Variants in FRMPD4 observed in about 807,000 individuals in gnomAD.
FRMPD4 encodes FERM and PDZ domain-containing protein 4.
FRMPD4 carries 22 observed loss-of-function variants against 94.1 expected under a neutral mutation model. The observed-to-expected ratio is 0.23, with a 90% CI of 0.17 to 0.33. The LOEUF is 0.33. FRMPD4 is among the 10% of genes least tolerant of loss of function. The pLI is 1.00. For synonymous variants in FRMPD4, 631 were observed against 548.6 expected (o/e 1.15, Z -2.10); for missense variants, 1,111 against 1,339.9 (o/e 0.83, Z 2.67).
At chrX:12,448,472 A>G (rs1457437565) in intron 1 of FRMPD4, among the ~76,000 whole-genome samples, 1 of 112,379 alleles carries the variant, frequency 8.9e-6, no homozygotes, top group African/African-American at 3.2e-5. Flanking sequence ...AATGTAGACT[A>G]GGCAAATTCA....
chrX:12,043,833 C>T (rs1282455222), intron 3 of FRMPD4, among the ~76,000 whole-genome samples: 1 of 111,244 alleles, frequency 9.0e-6, no homozygotes, highest in Non-Finnish European at 1.9e-5. Context: ...TTTTTTTTCA[C>T]TGCATGTTAT....
intron 3 of FRMPD4, among the ~76,000 whole-genome samples, chrX:11,951,879 A>T (rs1411873504): frequency 3.6e-5 from 4 of 111,175 alleles, no homozygotes; most frequent in Admixed American, 2.9e-4. Context: ...AACAACAACA[A>T]CAAAAAATTA....
chrX:12,463,673 A>ACG (rs2057414624), intron 1 of FRMPD4, among the ~76,000 whole-genome samples: 1 of 43,950 alleles, frequency 2.3e-5, no homozygotes, highest in African/African-American at 8.8e-5. Flanking sequence ...TGTGCCTCCT[A>ACG]TGTGTGTGTT....
intron 1 of FRMPD4, among the ~76,000 whole-genome samples, chrX:12,198,550 A>G (rs1459405648): frequency 8.9e-6 from 1 of 112,013 alleles, no homozygotes; most frequent in Non-Finnish European, 1.9e-5. Context: ...GGCAGCAACT[A>G]CACTTGAGTG....
In FRMPD4 at chrX:12,704,012, A is replaced by G. The variant is rs766549061; in HGVS notation, c.1071-347A>G. Among the ~76,000 whole-genome samples the G allele has an allele frequency of 9.3e-4, 104 of 112,346 alleles. 1 individual carries two copies. The highest frequency in any genetic ancestry group is 3.2e-3 in the African/African-American group (100 of 30,932). ...AGAATAGAAATCAACAAAGGGATGG[A>G]GAGAAATTGGTGTTGGAAATACAAA... On this transcript the variant is annotated intron_variant, in intron 10 of 16. Transcript: ENST00000675598.
At chrX:11,932,374 C>T (rs2054127010) in intron 3 of FRMPD4, among the ~76,000 whole-genome samples, 1 of 111,670 alleles carries the variant, frequency 9.0e-6, no homozygotes, top group Non-Finnish European at 1.9e-5. Context: ...CTAGTATTTA[C>T]TTTTCTTCCT....
At chrX:12,356,051 T>C (rs1353540566) in intron 1 of FRMPD4, among the ~76,000 whole-genome samples, 1 of 111,122 alleles carries the variant, frequency 9.0e-6, no homozygotes, top group Non-Finnish European at 1.9e-5. Flanking sequence ...TGAAATCTCA[T>C]AGGTAGCAGC....
intron 3 of FRMPD4, among the ~76,000 whole-genome samples, chrX:11,976,218 T>C (rs1569135799): frequency 8.9e-6 from 1 of 111,859 alleles, no homozygotes; most frequent in Non-Finnish European, 1.9e-5. Flanking sequence ...TGGCCTGAGA[T>C]TTTAGATTCT....
intron 1 of FRMPD4, among the ~76,000 whole-genome samples, chrX:11,848,058 TAAA>T (rs1016966341): frequency 9.2e-6 from 1 of 108,240 alleles, no homozygotes; most frequent in Non-Finnish European, 1.9e-5. Flanking sequence ...AAAAAATAAA[TAAA>T]AAAAAGAAAA....
At chrX:12,093,131 A>G (rs1035321162) in intron 3 of FRMPD4, among the ~76,000 whole-genome samples, 5 of 111,317 alleles carry the variant, frequency 4.5e-5, no homozygotes, top group African/African-American at 1.3e-4. Flanking sequence ...GAAATTAAAG[A>G]GGTAAGTGGG....
chrX:12,498,823 T>C (rs1225506237), intron 2 of FRMPD4, 27 bp downstream of exon 2: 1 of 811,004 alleles, frequency 1.2e-6, no homozygotes, highest in Non-Finnish European at 1.8e-6. Context: ...GCATGAACAA[T>C]AGAATCCTTG....
chrX:12,474,106 C>A (rs753261125), intron 1 of FRMPD4, among the ~76,000 whole-genome samples: 3 of 110,317 alleles, frequency 2.7e-5, no homozygotes, highest in African/African-American at 1.0e-4. Flanking sequence ...GAAATGATAA[C>A]AAATGGTCTG....
chrX:12,256,939 T>G (rs938152138), intron 1 of FRMPD4, among the ~76,000 whole-genome samples: 1 of 111,994 alleles, frequency 8.9e-6, no homozygotes, highest in Non-Finnish European at 1.9e-5. Context: ...CAACTTATTA[T>G]CTCAGTGTTC....
At chrX:12,432,071 T>C (rs1408409628) in intron 1 of FRMPD4, among the ~76,000 whole-genome samples, 1 of 111,986 alleles carries the variant, frequency 8.9e-6, no homozygotes, top group Non-Finnish European at 1.9e-5. Context: ...CATTGAACAT[T>C]ATGAGCCCAT....
intron 1 of FRMPD4, among the ~76,000 whole-genome samples, chrX:12,479,035 T>C (rs917126382): frequency 9.0e-6 from 1 of 111,285 alleles, no homozygotes; most frequent in Non-Finnish European, 1.9e-5. Context: ...TAAGTAAGAC[T>C]GTTAATAACA....
intron 4 of FRMPD4, among the ~76,000 whole-genome samples, chrX:12,642,107 G>C (rs1247315962): frequency 9.0e-6 from 1 of 111,438 alleles, no homozygotes; most frequent in East Asian, 2.8e-4. Context: ...CATTTAGTAG[G>C]CATCCGCTGT....
intron 1 of FRMPD4, among the ~76,000 whole-genome samples, chrX:12,347,038 G>T (rs2147968082): frequency 9.0e-6 from 1 of 111,320 alleles, no homozygotes; most frequent in East Asian, 2.8e-4. Flanking sequence ...TCCTGGTTGG[G>T]AATGTTGTGT....
intron 3 of FRMPD4, among the ~76,000 whole-genome samples, chrX:12,036,958 C>A (rs1188943598): frequency 1.8e-5 from 2 of 112,237 alleles, no homozygotes; most frequent in East Asian, 5.6e-4. Context: ...ATTCCACCTC[C>A]ACACCTGGAA....
At chrX:12,584,558 GA>G (rs1402728983) in intron 2 of FRMPD4, among the ~76,000 whole-genome samples, 23 of 109,789 alleles carry the variant, frequency 2.1e-4, no homozygotes, top group African/African-American at 7.6e-4. Context: ...TACAAAGGAG[GA>G]AAAAAAAAGA....
Sources: gnomAD v4.1 joint callset for allele counts (sites outside exome capture counted in the v4.1 genomes callset) on GRCh38, gnomAD v4.1.1 for gene constraint, MANE v1.5 for transcripts, NCBI Gene and HGNC (gene_info 2026-07-23, HGNC 2026-07-21) for gene names.